Variants in PCSK6 observed in about 807,000 individuals in gnomAD.
The protein encoded by PCSK6 is paired basic amino acid cleaving enzyme 4.
PCSK6 carries 85 observed loss-of-function variants against 123.3 expected under a neutral mutation model. The observed-to-expected ratio is 0.69, with a 90% CI of 0.58 to 0.83. The LOEUF is 0.83. PCSK6 is among the 40% of genes least tolerant of loss of function. The probability of loss-of-function intolerance (pLI) is 0.00; values close to 1 mark genes in which losing one functional copy is unlikely to be tolerated. For missense variants in PCSK6, 1,191 were observed against 1,282.3 expected, an observed-to-expected ratio of 0.93 and a Z score of 1.09; for synonymous variants, 508 against 516.0, an observed-to-expected ratio of 0.98 and a Z score of 0.21.
intron 1 of PCSK6, among the ~76,000 whole-genome samples, chr15:101,458,422 C>T (rs1317684591): frequency 1.3e-5 from 2 of 152,108 alleles, no homozygotes. Context: ...CCGGGCTATA[C>T]ACAGTCACTG....
intron 6 of PCSK6, among the ~76,000 whole-genome samples, chr15:101,426,182 G>A (rs1567211931): frequency 6.6e-6 from 1 of 152,188 alleles, no homozygotes; most frequent in African/African-American, 2.4e-5. Context: ...GAGGGAAGGA[G>A]GAGCTCAGCT....
chr15:101,489,257 G>C, intron 1 of PCSK6, 117 bp downstream of exon 1: 2 of 627,842 alleles, frequency 3.2e-6, no homozygotes, highest in Non-Finnish European at 1.9e-6. Context: ...CGGTCCCGGA[G>C]CCTTCCCACG....
intron 21 of PCSK6, among the ~76,000 whole-genome samples, chr15:101,306,305 A>T (rs1470466695): frequency 1.3e-5 from 2 of 152,134 alleles, no homozygotes; most frequent in African/African-American, 4.8e-5. Flanking sequence ...CCAAAGAAGT[A>T]GTTTCTGGGC....
chr15:101,383,972 C>A (rs750453271), intron 10 of PCSK6: 5 of 344,922 alleles, frequency 1.4e-5, no homozygotes, highest in Non-Finnish European at 2.0e-5. Flanking sequence ...TGGGCTCAAG[C>A]AATCCTCCTG....
At position 101,381,975 on chromosome 15, in the gene PCSK6, C is replaced by A. The variant is rs2041920303; in HGVS notation, c.1532+117G>T. The A allele has an allele frequency of 7.4e-6, 5 of 671,316 alleles. No homozygotes were observed. The East Asian group carries it at 1.4e-4, about 18-fold the overall frequency. The allele number at this position is 671,316 out of a possible 1,614,324, so 41.6% of individuals were successfully genotyped here. A position where few individuals can be genotyped will look rare whatever the true frequency, so the allele number is the denominator to read the frequency against. ...CAGACGTGTGCAGGCATGCATCGTGCACACGCACATGTGCACAGAATGCAT... is the reference window on the plus strand; with the variant it reads ...CAGACGTGTGCAGGCATGCATCGTGAACACGCACATGTGCACAGAATGCAT... On this transcript the variant is annotated intron_variant, in intron 11 of 21. Transcript: ENST00000611716.
intron 1 of PCSK6, among the ~76,000 whole-genome samples, chr15:101,450,269 C>T (rs531273218): frequency 2.0e-5 from 3 of 152,194 alleles, no homozygotes; most frequent in African/African-American, 7.2e-5. Flanking sequence ...GAATACACGA[C>T]CAGCCAGGAC....
At chr15:101,366,813 T>A (rs2041409890) in intron 12 of PCSK6, among the ~76,000 whole-genome samples, 1 of 152,222 alleles carries the variant, frequency 6.6e-6, no homozygotes, top group Non-Finnish European at 1.5e-5. Flanking sequence ...GGACGCCTTT[T>A]GAAAGTGCTT....
intron 1 of PCSK6, among the ~76,000 whole-genome samples, chr15:101,451,115 G>C (rs1488049164): frequency 6.6e-6 from 1 of 151,996 alleles, no homozygotes; most frequent in Non-Finnish European, 1.5e-5. Flanking sequence ...AATGTAGCTG[G>C]CTTCAAACAA....
At position 101,382,090 on chromosome 15, in the gene PCSK6, ACCTGGGT is replaced by A; in HGVS notation, c.1527_1532+1del. The stretch of plus-strand genomic sequence containing the variant: ...GTCACCGATGCCACAGCAGAGCCTT[ACCTGGGT>A]CTCTTGTCCGAGGCGGCCACACACA... On this transcript the variant is annotated splice_donor_variant and coding_sequence_variant, in exon 11 of 22. Coordinates refer to ENST00000611716, the MANE Select transcript of PCSK6 (RefSeq NM_002570.5). LOFTEE classifies it high-confidence loss of function. 1 of 1,596,670 alleles carries A rather than the reference ACCTGGGT, an allele frequency of 6.3e-7. No homozygotes were observed. Among genetic ancestry groups the A allele is most frequent in the Non-Finnish European group, 8.5e-7 (1 of 1,170,008 alleles).
At chr15:101,433,796 G>T (rs1196202958) in intron 2 of PCSK6, among the ~76,000 whole-genome samples, 2 of 152,354 alleles carry the variant, frequency 1.3e-5, no homozygotes, top group South Asian at 2.1e-4. Flanking sequence ...TGAGCAAGGA[G>T]AGCGGAGCAC....
At chr15:101,441,053 T>C (rs1323115792) in intron 2 of PCSK6, among the ~76,000 whole-genome samples, 1 of 152,204 alleles carries the variant, frequency 6.6e-6, no homozygotes, top group African/African-American at 2.4e-5. Flanking sequence ...ATGCCCAGGC[T>C]GTTTACCTTT....
intron 1 of PCSK6, among the ~76,000 whole-genome samples, chr15:101,466,274 C>T (rs1387567084): frequency 6.6e-6 from 1 of 152,156 alleles, no homozygotes; most frequent in Non-Finnish European, 1.5e-5. Context: ...AGCACAGGAA[C>T]ATACGTTCAA....
chr15:101,373,908 G>T (rs1287028412), intron 11 of PCSK6, among the ~76,000 whole-genome samples: 1 of 152,180 alleles, frequency 6.6e-6, no homozygotes. Context: ...GATTTAGAAA[G>T]ATCTTAAAGT....
chr15:101,446,661 C>A (rs1048381021), intron 1 of PCSK6, among the ~76,000 whole-genome samples: 1 of 152,204 alleles, frequency 6.6e-6, no homozygotes, highest in Non-Finnish European at 1.5e-5. Flanking sequence ...AACTCTGAAA[C>A]AGAAAAGGCT....
intron 13 of PCSK6, among the ~76,000 whole-genome samples, chr15:101,332,968 A>G (rs1036274136): frequency 2.0e-5 from 3 of 152,270 alleles, no homozygotes; most frequent in African/African-American, 7.2e-5. Flanking sequence ...TGTGGAAGCC[A>G]GATGCATTCA....
chr15:101,312,809 C>A (rs964462241), intron 20 of PCSK6, among the ~76,000 whole-genome samples: 6 of 139,400 alleles, frequency 4.3e-5, no homozygotes, highest in Non-Finnish European at 9.0e-5. Context: ...CCAGCCTGGG[C>A]GACAGGCGAG....
intron 6 of PCSK6, among the ~76,000 whole-genome samples, chr15:101,410,857 G>C (rs1057179623): frequency 6.6e-6 from 1 of 152,168 alleles, no homozygotes; most frequent in East Asian, 1.9e-4. Flanking sequence ...GGTGGGAAAC[G>C]GCCATGATCA....
In PCSK6 at chr15:101,311,179, T is replaced by C. The variant is rs986114200; in HGVS notation, c.2699+2197A>G. ...CATGCTGGAGTGCATGGTGCGATCATAGCTCACTGCAACCTCCGCCTCCTT... is the reference window on the plus strand; with the variant it reads ...CATGCTGGAGTGCATGGTGCGATCACAGCTCACTGCAACCTCCGCCTCCTT... On this transcript the variant is annotated intron_variant, in intron 20 of 21. Transcript: ENST00000611716. Among the ~76,000 whole-genome samples the C allele has an allele frequency of 4.6e-5, 7 of 152,084 alleles. No homozygotes were observed. In the Middle Eastern group the frequency reaches 0.01, roughly 222 times the overall value.
At chr15:101,403,387 AT>A (rs1355843304) in intron 6 of PCSK6, among the ~76,000 whole-genome samples, 1 of 151,244 alleles carries the variant, frequency 6.6e-6, no homozygotes, top group Non-Finnish European at 1.5e-5. Context: ...TAACCTGCAC[AT>A]TGTGCACATG....
Sources: allele counts gnomAD v4.1 joint callset (sites outside exome capture counted in the v4.1 genomes callset), GRCh38; gene constraint gnomAD v4.1.1; transcripts MANE v1.5; gene names NCBI Gene and HGNC (gene_info 2026-07-23, HGNC 2026-07-21).